CLRN3: variants seen among roughly 807,000 people sequenced by gnomAD.
CLRN3 encodes the protein clarin 3.
A neutral mutation model predicts 16.7 loss-of-function variants in CLRN3; 12 were observed. The observed-to-expected ratio is 0.72, with a 90% CI of 0.46 to 1.16. The LOEUF (loss-of-function observed/expected upper bound fraction) is 1.16, where lower values mean the gene tolerates loss of function less well. CLRN3 is among the 50% of genes most tolerant of loss of function. CLRN3 has a pLI of 0.00. For synonymous variants in CLRN3, 118 were observed against 113.0 expected, an observed-to-expected ratio of 1.04 and a Z score of -0.28; for missense variants, 296 against 274.2, an observed-to-expected ratio of 1.08 and a Z score of -0.56.
chr10:127,882,946 C>T (rs961791668), intron 2 of CLRN3, among the ~76,000 whole-genome samples: 5 of 152,302 alleles, frequency 3.3e-5, no homozygotes, highest in African/African-American at 1.2e-4. Flanking sequence ...CCCAGCCCTG[C>T]TCTGGGCAGA....
intron 1 of CLRN3, among the ~76,000 whole-genome samples, chr10:127,885,557 G>A (rs1224075209): frequency 6.6e-6 from 1 of 152,016 alleles, no homozygotes; most frequent in African/African-American, 2.4e-5. Flanking sequence ...ACTTTATTCT[G>A]ACTCTATTTC....
Position 127,892,589 on chromosome 10 carries a change from G to T in CLRN3, c.196C>A (p.His66Asn). 2.5e-6 allele frequency: 4 copies of T among 1,609,060 alleles called. No individual in the cohort carries two copies. Among genetic ancestry groups the T allele is most frequent in the Non-Finnish European group, 3.4e-6 (4 of 1,175,460 alleles). ...TTTTTCTTTGGTTCTGCAAGTCCGT[G>T]ACTCAATTCTTCACTACTCTCCCCA... ...FRGESSEELS[H>N]GLAEPKKKFA... The change falls in exon 1 of 3, where the codon CAC becomes AAC. Residue 66 changes from histidine to asparagine, a missense_variant. By Grantham distance (68) the His-to-Asn change is moderately conservative. Transcript: ENST00000368671.
In CLRN3 at chr10:127,892,832, T is replaced by C. The variant is rs748152154; in HGVS notation, c.-48A>G. On this transcript the variant is annotated 5_prime_UTR_variant, in exon 1 of 3. In the 5' UTR this introduces an upstream ATG that the reference lacks. Transcript: ENST00000368671. ...TAGGACAAAAAAAGGAATATCTTCT[T>C]ATAACACTTTTGAACCTTATCTTTT... 7 of 1,099,372 alleles carry C rather than the reference T, an allele frequency of 6.4e-6. No homozygotes were observed. The South Asian group carries it at 8.9e-5, about 14-fold the overall frequency. The allele number at this position is 1,099,372 out of a possible 1,614,324, so 68.1% of individuals were successfully genotyped here. A position where few individuals can be genotyped will look rare whatever the true frequency, so the allele number is the denominator to read the frequency against.
Position 127,878,185 on chromosome 10 carries a change from T to G in CLRN3, c.645A>C (p.Pro215=). The part of the protein sequence containing the change: ...RYQRKQEQRK[P]MEYAPRDGIL... ...TTCCGTCCCTTGGAGCATATTCCAT[T>G]GGCTTTCTCTGCTCCTGCTTCCGCT... The change falls in exon 3 of 3, where the codon CCA becomes CCC. Residue 215 remains proline (P), a synonymous_variant. Coordinates refer to ENST00000368671, the MANE Select transcript of CLRN3 (RefSeq NM_152311.5). 1 of 1,614,020 alleles carries G rather than the reference T, an allele frequency of 6.2e-7. No homozygotes were observed. Among genetic ancestry groups the G allele is most frequent in the Non-Finnish European group, 8.5e-7 (1 of 1,179,846 alleles).
intron 1 of CLRN3, among the ~76,000 whole-genome samples, chr10:127,884,337 T>C (rs1275946256): frequency 6.6e-6 from 1 of 152,188 alleles, no homozygotes; most frequent in South Asian, 2.1e-4. Flanking sequence ...ACAAGCCCTG[T>C]GGCATCTGGG....
Position 127,878,131 on chromosome 10 carries a change from A to G in CLRN3, c.*18T>C. ...TGATGTACAATAGATGCAACGCCAA[A>G]ATGAGATGAAAGAGAATTCAGAATA... On this transcript the variant is annotated 3_prime_UTR_variant, in exon 3 of 3. Transcript: ENST00000368671. The G allele has an allele frequency of 6.2e-7, 1 of 1,607,304 alleles. No individual in the cohort carries two copies. The highest frequency in any genetic ancestry group is 8.5e-7 in the Non-Finnish European group (1 of 1,174,736).
At position 127,885,737 on chromosome 10, in the gene CLRN3, G is replaced by A. The variant is rs186286901; in HGVS notation, c.230-1862C>T. Among the ~76,000 whole-genome samples the A allele has an allele frequency of 1.2e-4, 18 of 152,106 alleles. 1 individual carries two copies. The highest frequency in any genetic ancestry group is 2.9e-5 in the Non-Finnish European group (2 of 67,990). On this transcript the variant is annotated intron_variant, in intron 1 of 2. Transcript: ENST00000368671. The stretch of plus-strand genomic sequence containing the variant: ...CTGGAACTACAGGATGTGCCACCAC[G>A]ACCACGCTCAGCTAATTTTTAAAAT...
intron 2 of CLRN3, among the ~76,000 whole-genome samples, chr10:127,882,659 T>C (rs1173233540): frequency 6.6e-6 from 1 of 152,220 alleles, no homozygotes; most frequent in Non-Finnish European, 1.5e-5. Context: ...TGACACTCAA[T>C]GGAGGGACAG....
intron 2 of CLRN3, among the ~76,000 whole-genome samples, chr10:127,881,901 A>G (rs974862759): frequency 2.6e-5 from 4 of 152,218 alleles, no homozygotes; most frequent in African/African-American, 9.7e-5. Context: ...AGTCCTCACG[A>G]CACAGGCCGA....
chr10:127,887,540 T>A (rs2135084227), intron 1 of CLRN3, among the ~76,000 whole-genome samples: 1 of 152,254 alleles, frequency 6.6e-6, no homozygotes, highest in African/African-American at 2.4e-5. Flanking sequence ...ATGTGATTTT[T>A]CAAAAGGGAG....
intron 1 of CLRN3, among the ~76,000 whole-genome samples, chr10:127,888,822 T>C (rs1210779623): frequency 6.6e-6 from 1 of 152,162 alleles, no homozygotes; most frequent in Admixed American, 6.5e-5. Context: ...TAAAAAACAA[T>C]ACCCAGTACA....
At chr10:127,884,139 G>C (rs183095737) in intron 1 of CLRN3, among the ~76,000 whole-genome samples, 1 of 152,350 alleles carries the variant, frequency 6.6e-6, no homozygotes, top group East Asian at 1.9e-4. Flanking sequence ...CTAGGAAAGA[G>C]TTTACCTTCC....
intron 1 of CLRN3, among the ~76,000 whole-genome samples, chr10:127,887,698 C>G (rs1177523060): frequency 6.6e-6 from 1 of 152,204 alleles, no homozygotes; most frequent in Non-Finnish European, 1.5e-5. Flanking sequence ...CAGCTCCTGG[C>G]TCAGAACTTA....
At chr10:127,882,787 T>G (rs1024269358) in intron 2 of CLRN3, among the ~76,000 whole-genome samples, 1 of 152,236 alleles carries the variant, frequency 6.6e-6, no homozygotes, top group South Asian at 2.1e-4. Flanking sequence ...GGAGCTTACA[T>G]GAAGCCACCT....
chr10:127,889,317 G>A (rs545098276), intron 1 of CLRN3, among the ~76,000 whole-genome samples: 1 of 152,200 alleles, frequency 6.6e-6, no homozygotes, highest in South Asian at 2.1e-4. Flanking sequence ...GCAAGACGCT[G>A]TCTCAAAAAA....
chr10:127,887,448 T>C (rs373691931), intron 1 of CLRN3, among the ~76,000 whole-genome samples: 10 of 149,160 alleles, frequency 6.7e-5, no homozygotes, highest in East Asian at 5.8e-4. Context: ...ATGGTTCACA[T>C]TCCTTTTTTT....
Position 127,892,617 on chromosome 10 carries a change from A to G in CLRN3, c.168T>C (p.Phe56=), listed in dbSNP as rs1450022651. 3.1e-6 allele frequency: 5 copies of G among 1,613,324 alleles called. No individual in the cohort carries two copies. Among genetic ancestry groups the G allele is most frequent in the African/African-American group, 1.3e-5 (1 of 74,926 alleles). The part of the protein sequence containing the change: ...NGSIFITYGL[F]RGESSEELSH... ...TCAATTCTTCACTACTCTCCCCACGAAAAAGTCCGTAAGTGATGAAAATGC... is the reference window on the plus strand; with the variant it reads ...TCAATTCTTCACTACTCTCCCCACGGAAAAGTCCGTAAGTGATGAAAATGC... Residue 56 remains phenylalanine, a synonymous_variant, in exon 1 of 3, where the codon TTT becomes TTC. Transcript: ENST00000368671.
At chr10:127,890,552 G>A (rs1845246652) in intron 1 of CLRN3, among the ~76,000 whole-genome samples, 1 of 152,186 alleles carries the variant, frequency 6.6e-6, no homozygotes, top group South Asian at 2.1e-4. Flanking sequence ...GACTCTTGAT[G>A]TGACCTCATG....
intron 2 of CLRN3, among the ~76,000 whole-genome samples, chr10:127,882,523 G>A (rs751407382): frequency 6.6e-6 from 1 of 152,172 alleles, no homozygotes; most frequent in Non-Finnish European, 1.5e-5. Flanking sequence ...CAATCACCAG[G>A]GCTTTTTTCT....
Sources: gnomAD v4.1 joint callset for allele counts (sites outside exome capture counted in the v4.1 genomes callset) on GRCh38, gnomAD v4.1.1 for gene constraint, MANE v1.5 for transcripts, NCBI Gene and HGNC (gene_info 2026-07-23, HGNC 2026-07-21) for gene names.